The following PARP1 variants were observed in gnomAD, a reference collection of about 807,000 sequenced individuals.
PARP1 encodes poly [ADP-ribose] polymerase 1.
PARP1 carries 44 observed loss-of-function variants against 118.7 expected under a neutral mutation model. That is an observed-to-expected ratio of 0.37 (90% CI 0.29 to 0.48). The LOEUF is 0.48. PARP1 is among the 20% of genes least tolerant of loss of function. The pLI is 0.99. For missense variants in PARP1, 1,100 were observed against 1,272.4 expected, an observed-to-expected ratio of 0.86 and a Z score of 2.06; for synonymous variants, 492 against 483.2, an observed-to-expected ratio of 1.02 and a Z score of -0.24.
intron 21 of PARP1, 75 bp from the exon 22 acceptor site, chr1:226,362,158 T>C: frequency 1.2e-6 from 1 of 835,300 alleles, no homozygotes; most frequent in South Asian, 1.4e-5. Context: ...ATGAGCTCTA[T>C]TTGATGTTGG....
chr1:226,362,265 A>T, intron 21 of PARP1, 182 bp from the exon 22 acceptor site: 2 of 565,522 alleles, frequency 3.5e-6, no homozygotes, highest in African/African-American at 1.9e-5. Flanking sequence ...AGCTCAGTGC[A>T]ACCTCCGCCT....
At chr1:226,389,086 G>A (rs1664776406) in intron 4 of PARP1, among the ~76,000 whole-genome samples, 1 of 151,262 alleles carries the variant, frequency 6.6e-6, no homozygotes, top group African/African-American at 2.4e-5. Flanking sequence ...AAAAAAAAAA[G>A]AAACCCATGT....
intron 14 of PARP1, 53 bp downstream of exon 14, chr1:226,374,173 C>A: frequency 6.2e-7 from 1 of 1,607,000 alleles, no homozygotes. Context: ...ACTAGCTCAG[C>A]AAATAATCAT....
intron 2 of PARP1, among the ~76,000 whole-genome samples, chr1:226,399,450 T>C (rs1024391292): frequency 3.9e-5 from 6 of 152,058 alleles, no homozygotes; most frequent in African/African-American, 9.7e-5. Flanking sequence ...ATTCCAACTA[T>C]ATTATATTCT....
chr1:226,385,538 T>C lies in PARP1; in HGVS notation c.977A>G (p.Gln326Arg), dbSNP rs1664698299. 2 of 1,614,026 alleles carry C rather than the reference T, an allele frequency of 1.2e-6. No homozygotes were observed. The highest frequency in any genetic ancestry group is 1.3e-5 in the African/African-American group (1 of 74,914). The change falls in exon 7 of 23, where the codon CAG becomes CGG. Residue 326 changes from glutamine (Q) to arginine (R), a missense_variant. Gln to Arg is a conservative substitution (Grantham distance 43). This residue lies in a region of PARP1 where 948 missense variants were observed against 1,031.8 expected (regional missense o/e 0.92). Transcript: ENST00000366794. ...TACCCACTCCTTCCGGTTGGGTGTC[T>C]GTGTCTTGACCATACACTTGGTCCA... ...TAWTKCMVKT[Q>R]TPNRKEWVTP...
chr1:226,395,683 CCA>C (rs1410565526), intron 2 of PARP1, among the ~76,000 whole-genome samples: 1 of 152,168 alleles, frequency 6.6e-6, no homozygotes, highest in Non-Finnish European at 1.5e-5. Flanking sequence ...ACCTAAATTT[CCA>C]CAGACATACA....
At chr1:226,407,342 C>T (rs769181014) in intron 1 of PARP1, among the ~76,000 whole-genome samples, 1 of 149,410 alleles carries the variant, frequency 6.7e-6, no homozygotes, top group Non-Finnish European at 1.5e-5. Context: ...GTTTAAATGA[C>T]GTGTTGAAAT....
intron 4 of PARP1, among the ~76,000 whole-genome samples, chr1:226,389,238 C>T (rs1313758924): frequency 6.6e-6 from 1 of 152,106 alleles, no homozygotes; most frequent in African/African-American, 2.4e-5. Context: ...AAAGAGGCTG[C>T]TCACAGAGGT....
chr1:226,388,936 A>G lies in PARP1; in HGVS notation c.618-181T>C, dbSNP rs571507558. On this transcript the variant is annotated intron_variant, in intron 4 of 22. Transcript: ENST00000366794. ...TTAGGCGATCACTGTCTACTCAGGG[A>G]GTACTTGCAGCCAAGATGGCAGAAG... Among the ~76,000 whole-genome samples the G allele has an allele frequency of 1.1e-3, 161 of 152,254 alleles. 2 individuals are homozygous for G. The highest frequency in any genetic ancestry group is 0.01 in the Admixed American group (159 of 15,288).
chr1:226,379,508 G>T, intron 11 of PARP1, 65 bp downstream of exon 11: 1 of 1,349,448 alleles, frequency 7.4e-7, no homozygotes, highest in Non-Finnish European at 1.1e-6. Flanking sequence ...TTGGATGTGT[G>T]CTCCTAGTCA....
chr1:226,374,181 C>T (rs2102732082), intron 14 of PARP1, 45 bp downstream of exon 14: 2 of 1,610,068 alleles, frequency 1.2e-6, no homozygotes, highest in East Asian at 2.2e-5. Flanking sequence ...AGCAAATAAT[C>T]ATCCACAGCA....
intron 4 of PARP1, among the ~76,000 whole-genome samples, chr1:226,389,333 A>G (rs1664780151): frequency 6.6e-6 from 1 of 152,196 alleles, no homozygotes. Flanking sequence ...CTCAGCAAAC[A>G]CAGCTCTGAG....
intron 4 of PARP1, among the ~76,000 whole-genome samples, chr1:226,389,206 G>C (rs1408920362): frequency 1.3e-5 from 2 of 152,192 alleles, no homozygotes; most frequent in Non-Finnish European, 2.9e-5. Context: ...TAGGCCTTTT[G>C]AGCTAAAACA....
chr1:226,367,097 T>C, intron 17 of PARP1: 1 of 302,556 alleles, frequency 3.3e-6, no homozygotes, highest in African/African-American at 2.2e-5. Flanking sequence ...TGGACACCGG[T>C]AATAAGTCTT....
intron 13 of PARP1, among the ~76,000 whole-genome samples, chr1:226,376,829 A>C (rs1664496809): frequency 6.6e-6 from 1 of 152,066 alleles, no homozygotes; most frequent in South Asian, 2.1e-4. Flanking sequence ...TTGTATCTCT[A>C]TTCATAGGGT....
chr1:226,407,533 AAGG>A (rs1435420583), intron 1 of PARP1, among the ~76,000 whole-genome samples: 8 of 152,080 alleles, frequency 5.3e-5, no homozygotes, highest in Non-Finnish European at 1.0e-4. Context: ...GCCACCCAGA[AAGG>A]AGAAGAGAAG....
chr1:226,375,281 T>C (rs1386639178), intron 13 of PARP1, among the ~76,000 whole-genome samples: 3 of 152,234 alleles, frequency 2.0e-5, no homozygotes, highest in African/African-American at 7.2e-5. Context: ...GGGCAAAGTA[T>C]CTATGTGTTC....
chr1:226,406,037 G>A (rs1665139934), intron 1 of PARP1, among the ~76,000 whole-genome samples: 2 of 152,110 alleles, frequency 1.3e-5, no homozygotes, highest in Admixed American at 1.3e-4. Flanking sequence ...ACAGTAACCC[G>A]TGAGCTTTTA....
chr1:226,392,782 G>T lies in PARP1; in HGVS notation c.287-468C>A, dbSNP rs183006430. The T allele has an allele frequency of 2.1e-3, 1,334 of 642,188 alleles. 2 individuals carry two copies. The highest frequency in any genetic ancestry group is 3.0e-3 in the Admixed American group (84 of 28,216). The allele number at this position is 642,188 out of a possible 1,614,324, so 39.8% of individuals were successfully genotyped here. ...TGTAAGAATTAAATATGTACTAAAGGTATCATTTCAAATTAGTGGGAAAAG... is the reference window on the plus strand; with the variant it reads ...TGTAAGAATTAAATATGTACTAAAGTTATCATTTCAAATTAGTGGGAAAAG... On this transcript the variant is annotated intron_variant, in intron 2 of 22. Transcript: ENST00000366794.
Sources: allele counts gnomAD v4.1 joint callset (sites outside exome capture counted in the v4.1 genomes callset), GRCh38; gene constraint gnomAD v4.1.1; regional missense constraint gnomAD v4.1.1; transcripts MANE v1.5; gene names NCBI Gene and HGNC (gene_info 2026-07-23, HGNC 2026-07-21).